KCNMA1: variants seen among roughly 807,000 people sequenced by gnomAD.
KCNMA1 encodes the protein Calcium-activated potassium channel subunit alpha-1.
KCNMA1 carries 29 observed loss-of-function variants against 140.0 expected under a neutral mutation model. The observed-to-expected ratio is 0.21, with a 90% CI of 0.15 to 0.28. The LOEUF (loss-of-function observed/expected upper bound fraction) is 0.28. Among genes scored for constraint, KCNMA1 ranks in the 10% least tolerant of loss-of-function variants. KCNMA1 has a pLI of 1.00. For missense variants in KCNMA1, 880 were observed against 1,602.2 expected (o/e 0.55, Z 7.70); for synonymous variants, 612 against 611.9 (o/e 1.00, Z 0.00).
chr10:77,343,871 G>A (rs1383875723), intron 2 of KCNMA1, among the ~76,000 whole-genome samples: 2 of 152,202 alleles, frequency 1.3e-5, no homozygotes, highest in African/African-American at 4.8e-5. Flanking sequence ...CCAAATACAG[G>A]AAGGAACCAG....
intron 22 of KCNMA1, among the ~76,000 whole-genome samples, chr10:76,945,930 T>G (rs145413524): frequency 0.016 from 2,375 of 152,284 alleles, 44 homozygotes; most frequent in African/African-American, 0.044. Flanking sequence ...GAAATAGGAT[T>G]CGTGGGGGTG....
chr10:77,516,385 A>G (rs1196308638), intron 1 of KCNMA1, among the ~76,000 whole-genome samples: 1 of 152,086 alleles, frequency 6.6e-6, no homozygotes, highest in Non-Finnish European at 1.5e-5. Flanking sequence ...GTGCTTGTGC[A>G]CTTATGGCCA....
chr10:77,447,845 C>G (rs2097557921), intron 1 of KCNMA1, among the ~76,000 whole-genome samples: 1 of 152,210 alleles, frequency 6.6e-6, no homozygotes, highest in African/African-American at 2.4e-5. Flanking sequence ...CACCACGGCA[C>G]TTTAATCAGG....
chr10:77,154,749 A>G (rs1453872764), intron 5 of KCNMA1, among the ~76,000 whole-genome samples: 1 of 152,236 alleles, frequency 6.6e-6, no homozygotes, highest in African/African-American at 2.4e-5. Flanking sequence ...TGAATAAGAC[A>G]GACATGATCC....
intron 14 of KCNMA1, among the ~76,000 whole-genome samples, chr10:77,046,999 T>A (rs1054793498): frequency 1.3e-5 from 2 of 152,220 alleles, no homozygotes; most frequent in Non-Finnish European, 2.9e-5. Context: ...CTGAACTTCT[T>A]GGATGTGGAC....
chr10:77,158,810 C>A (rs2098521087), intron 5 of KCNMA1, among the ~76,000 whole-genome samples: 1 of 152,086 alleles, frequency 6.6e-6, no homozygotes, highest in Non-Finnish European at 1.5e-5. Context: ...GGTGATAGCT[C>A]TCTTTGAGGG....
At chr10:77,444,688 G>A (rs2097487594) in intron 1 of KCNMA1, among the ~76,000 whole-genome samples, 2 of 152,108 alleles carry the variant, frequency 1.3e-5, no homozygotes, top group South Asian at 4.2e-4. Flanking sequence ...AACCACTCTG[G>A]AGATTGTCCT....
At chr10:77,011,568 G>C (rs1412493643) in intron 18 of KCNMA1, among the ~76,000 whole-genome samples, 1 of 152,180 alleles carries the variant, frequency 6.6e-6, no homozygotes, top group African/African-American at 2.4e-5. Context: ...CTCAGATTTA[G>C]TTTCTCTCTC....
At chr10:77,585,153 A>C (rs1266964984) in intron 1 of KCNMA1, among the ~76,000 whole-genome samples, 1 of 152,184 alleles carries the variant, frequency 6.6e-6, no homozygotes, top group African/African-American at 2.4e-5. Context: ...TACCAAGAGG[A>C]CGAAAACACA....
At chr10:77,184,740 A>G in intron 4 of KCNMA1, 83 bp downstream of exon 4, 1 of 891,060 alleles carries the variant, frequency 1.1e-6, no homozygotes, top group Non-Finnish European at 1.9e-6. Flanking sequence ...CTTGACTGCG[A>G]GAGCAGAGGC....
At chr10:77,355,705 T>C (rs1242209644) in intron 2 of KCNMA1, among the ~76,000 whole-genome samples, 1 of 152,270 alleles carries the variant, frequency 6.6e-6, no homozygotes, top group African/African-American at 2.4e-5. Flanking sequence ...AAGTCAGCCC[T>C]AATTCTGTGC....
rs145477437 is a variant in KCNMA1, at chr10:77,086,230, C to T, written c.1440+258G>A. On this transcript the variant is annotated intron_variant, in intron 11 of 27. Transcript: ENST00000286628. ...TGATGAGTAGCTGATTTTGAGGAAT[C>T]CAGCAAAGCAAGTTTCATGTTATGA... 5.7e-4 allele frequency among the ~76,000 whole-genome samples: 87 copies of T among 152,226 alleles called. 1 individual carries two copies. In the East Asian group the frequency reaches 0.012, roughly 21 times the overall value.
chr10:77,166,009 C>A (rs2154089277), intron 5 of KCNMA1, among the ~76,000 whole-genome samples: 1 of 152,202 alleles, frequency 6.6e-6, no homozygotes, highest in East Asian at 1.9e-4. Flanking sequence ...TCTCTGCGGG[C>A]TATGGGAGGA....
chr10:77,349,062 C>T (rs531890539), intron 2 of KCNMA1, among the ~76,000 whole-genome samples: 1 of 152,216 alleles, frequency 6.6e-6, no homozygotes, highest in African/African-American at 2.4e-5. Flanking sequence ...TAATGCAATC[C>T]CTGAATTCTC....
chr10:77,636,431 C>T lies in KCNMA1; in HGVS notation c.378+834G>A, dbSNP rs930939657. ...GCCACCTCGAGCGCCAGGGAAGACG[C>T]TCCGCGTAAAACCGCGGCCTCAGGC... is the stretch of plus-strand genomic sequence containing the variant. On this transcript the variant is annotated intron_variant, in intron 1 of 27. Transcript: ENST00000286628. 1.5e-5 allele frequency: 23 copies of T among 1,536,084 alleles called. No individual in the cohort carries two copies. The highest frequency in any genetic ancestry group is 3.3e-4 in the Middle Eastern group (2 of 6,012).
At chr10:77,430,350 C>A (rs983129359) in intron 1 of KCNMA1, among the ~76,000 whole-genome samples, 2 of 152,148 alleles carry the variant, frequency 1.3e-5, no homozygotes, top group Admixed American at 1.3e-4. Flanking sequence ...GAGCCGAATG[C>A]ACTATTGAGT....
intron 1 of KCNMA1, among the ~76,000 whole-genome samples, chr10:77,443,562 G>A (rs1049835221): frequency 1.3e-5 from 2 of 152,142 alleles, no homozygotes; most frequent in African/African-American, 4.8e-5. Context: ...ATTGGCTCTC[G>A]TGGAACATGG....
At chr10:77,080,743 T>C (rs2096545094) in intron 12 of KCNMA1, among the ~76,000 whole-genome samples, 1 of 151,780 alleles carries the variant, frequency 6.6e-6, no homozygotes, top group African/African-American at 2.4e-5. Context: ...CCTCCAGAGG[T>C]TTGCAATCTC....
chr10:77,176,325 G>A (rs1242823610), intron 5 of KCNMA1, among the ~76,000 whole-genome samples: 2 of 152,194 alleles, frequency 1.3e-5, no homozygotes, highest in Non-Finnish European at 2.9e-5. Context: ...ACTAGGTGGA[G>A]GTTATGCAGA....
Sources: allele counts gnomAD v4.1 joint callset (sites outside exome capture counted in the v4.1 genomes callset), GRCh38; gene constraint gnomAD v4.1.1; transcripts MANE v1.5; gene names NCBI Gene and HGNC (gene_info 2026-07-23, HGNC 2026-07-21).